The following NSD1 variants were observed in gnomAD, a reference collection of about 807,000 sequenced individuals.
NSD1 encodes histone-lysine N-methyltransferase, H3 lysine-36 specific.
A neutral mutation model predicts 242.7 loss-of-function variants in NSD1; 26 were observed. The ratio of observed to expected loss-of-function variants is 0.11; its 90% CI spans 0.08 to 0.15. NSD1 has a LOEUF of 0.15. Ranked by LOEUF, NSD1 falls within the 10% of genes least tolerant of loss-of-function variation. The probability of loss-of-function intolerance (pLI) is 1.00; values close to 1 mark genes in which losing one functional copy is unlikely to be tolerated. For synonymous variants in NSD1, 1,106 were observed against 1,178.1 expected, an observed-to-expected ratio of 0.94 and a Z score of 1.25; for missense variants, 2,495 against 3,272.8, an observed-to-expected ratio of 0.76 and a Z score of 5.80.
chr5:177,295,723 A>G lies in NSD1; in HGVS notation c.*264A>G. 1.8e-6 allele frequency: 1 copy of G among 558,014 alleles called. No homozygotes were observed. Among genetic ancestry groups the G allele is most frequent in the Non-Finnish European group, 3.2e-6 (1 of 311,390 alleles). 34.6% of individuals were successfully genotyped at this position (558,014 alleles called of 1,614,324 possible). ...TGGGTCTCTTTCCCCCAACTTTTCC[A>G]CATGGTCATCGTGAAATAAAAAGTC... is the stretch of plus-strand genomic sequence containing the variant. On this transcript the variant is annotated 3_prime_UTR_variant, in exon 23 of 23. Coordinates refer to ENST00000439151, the MANE Select transcript of NSD1 (RefSeq NM_022455.5). The surrounding 1 kb of genome is among the most constrained non-coding windows in gnomAD (Gnocchi z 4.3).
At chr5:177,163,645 T>C (rs559720814) in intron 2 of NSD1, among the ~76,000 whole-genome samples, 8 of 152,320 alleles carry the variant, frequency 5.3e-5, no homozygotes, top group Non-Finnish European at 1.2e-4. Flanking sequence ...CCTGCTGCTA[T>C]CCATAATTCT....
intron 2 of NSD1, among the ~76,000 whole-genome samples, chr5:177,188,957 G>A (rs528829602): frequency 6.6e-6 from 1 of 152,182 alleles, no homozygotes; most frequent in South Asian, 2.1e-4. Flanking sequence ...ATGGGAGGAT[G>A]GGTTGAGCTC....
chr5:177,170,748 A>T (rs1263870166), intron 2 of NSD1, among the ~76,000 whole-genome samples: 1 of 152,126 alleles, frequency 6.6e-6, no homozygotes, highest in Non-Finnish European at 1.5e-5. Context: ...TCACAGTGTT[A>T]TATAATCATT....
chr5:177,144,058 C>G (rs576582008), intron 2 of NSD1, among the ~76,000 whole-genome samples: 66 of 152,254 alleles, frequency 4.3e-4, no homozygotes, highest in Non-Finnish European at 5.4e-4. Context: ...GCTAGGATTA[C>G]AGGTGTGAGC....
chr5:177,174,456 C>T (rs1760007077), intron 2 of NSD1, among the ~76,000 whole-genome samples: 1 of 151,662 alleles, frequency 6.6e-6, no homozygotes, highest in Non-Finnish European at 1.5e-5. Flanking sequence ...CAGATGATCG[C>T]CTCCCACCTT....
chr5:177,251,045 C>A (rs1018072750), intron 11 of NSD1, among the ~76,000 whole-genome samples: 1 of 152,078 alleles, frequency 6.6e-6, no homozygotes, highest in African/African-American at 2.4e-5. Context: ...CAAAAATTAG[C>A]TGGGCATGGT....
At chr5:177,195,069 G>T (rs191741001) in intron 3 of NSD1, among the ~76,000 whole-genome samples, 4 of 152,198 alleles carry the variant, frequency 2.6e-5, no homozygotes, top group Admixed American at 6.5e-5. Flanking sequence ...TGAGGCAGAA[G>T]AATTGCTTGA....
chr5:177,276,186 C>T (rs1758366842), intron 17 of NSD1, among the ~76,000 whole-genome samples: 1 of 152,042 alleles, frequency 6.6e-6, no homozygotes, highest in African/African-American at 2.4e-5. Context: ...CCACCTCAAC[C>T]TCCCAAAGAA....
chr5:177,282,620 T>G (rs1305569596), intron 19 of NSD1, 39 bp downstream of exon 19: 2 of 1,373,426 alleles, frequency 1.5e-6, no homozygotes, highest in Non-Finnish European at 2.1e-6. Context: ...GTTACAAGAT[T>G]GTAAATTTGT....
chr5:177,260,062 G>A lies in NSD1; in HGVS notation c.5040G>A (p.Lys1680=), dbSNP rs1312064960. Residue 1680 remains lysine, a synonymous_variant, in exon 14 of 23, where the codon AAG becomes AAA. Coordinates refer to ENST00000439151, the MANE Select transcript of NSD1 (RefSeq NM_022455.5). ...ACTTTTGCCTGGCTGCTGGGTCAAA[G>A]ATCCTTGCATCTAATAGTATCATCT... ...ANDFCLAAGS[K]ILASNSIICP... 16 of 1,614,082 alleles carry A rather than the reference G, an allele frequency of 9.9e-6. No homozygotes were observed. Among genetic ancestry groups the A allele is most frequent in the Non-Finnish European group, 1.3e-5 (15 of 1,180,058 alleles).
rs1581385391 is a variant in NSD1, at chr5:177,229,675, G to A, written c.3797-6146G>A. On this transcript the variant is annotated intron_variant, in intron 5 of 22. Coordinates refer to ENST00000439151, the MANE Select transcript of NSD1 (RefSeq NM_022455.5). ...TGTAACTGGGAGAGAACATAGGTAGGGAGTTGGGGTAGTTGAGGCAAGGAA... is the reference window on the plus strand; with the variant it reads ...TGTAACTGGGAGAGAACATAGGTAGAGAGTTGGGGTAGTTGAGGCAAGGAA... The A allele has an allele frequency of 8.7e-6, 3 of 343,914 alleles. No homozygotes were observed. In the East Asian group the frequency reaches 3.5e-4, roughly 40 times the overall value. The allele number at this position is 343,914 out of a possible 1,614,324, so 21.3% of individuals were successfully genotyped here. A position where few individuals can be genotyped will look rare whatever the true frequency, so the allele number is the denominator to read the frequency against.
chr5:177,222,145 T>C (rs1170627072), intron 5 of NSD1, among the ~76,000 whole-genome samples: 1 of 152,004 alleles, frequency 6.6e-6, no homozygotes, highest in Non-Finnish European at 1.5e-5. Context: ...TTATTACTTT[T>C]TGAGATGTTG....
chr5:177,211,906 A>C lies in NSD1; in HGVS notation c.3507A>C (p.Lys1169Asn). 6.2e-7 allele frequency: 1 copy of C among 1,608,818 alleles called. No individual in the cohort carries two copies. The highest frequency in any genetic ancestry group is 8.5e-7 in the Non-Finnish European group (1 of 1,177,436). Reference sequence around the variant, plus strand: ...AGCGTTTAAACCAAAGGCGCACTAAACCTCGTAAGCGCATGAACAGATTTA... The same window carrying C: ...AGCGTTTAAACCAAAGGCGCACTAACCCTCGTAAGCGCATGAACAGATTTA... ...RWQRLNQRRT[K>N]PRKRMNRFKE... Residue 1169 changes from lysine (K) to asparagine (N), a missense_variant, in exon 5 of 23, where the codon AAA becomes AAC. Lys to Asn is a moderately conservative substitution (Grantham distance 94, BLOSUM62 0). This residue lies in a region of NSD1 where 426 missense variants were observed against 411.4 expected (regional missense o/e 1.04). Coordinates refer to ENST00000439151, the MANE Select transcript of NSD1 (RefSeq NM_022455.5).
At chr5:177,288,229 C>T (rs761819700) in intron 20 of NSD1, among the ~76,000 whole-genome samples, 4 of 152,138 alleles carry the variant, frequency 2.6e-5, no homozygotes, top group African/African-American at 4.8e-5. Context: ...AAAGTTTACA[C>T]GTTACTGCTA....
intron 21 of NSD1, among the ~76,000 whole-genome samples, chr5:177,289,978 C>T (rs1376753703): frequency 6.6e-6 from 1 of 151,610 alleles, no homozygotes; most frequent in Admixed American, 6.6e-5. Context: ...CAGGCGCCCG[C>T]CACCATGCCC....
In NSD1 at chr5:177,259,506, T is replaced by G. The variant is rs576778779; in HGVS notation, c.4967-483T>G. 2.1e-3 allele frequency among the ~76,000 whole-genome samples: 327 copies of G among 152,326 alleles called. 1 individual carries two copies. Among genetic ancestry groups the G allele is most frequent in the Non-Finnish European group, 3.1e-3 (213 of 68,030 alleles). On this transcript the variant is annotated intron_variant, in intron 13 of 22. Coordinates refer to ENST00000439151, the MANE Select transcript of NSD1 (RefSeq NM_022455.5). Reference sequence around the variant, plus strand: ...ATGAAAAGAGTTGCAGTTGGCTACCTTCTCGTTTTTAATTGTTATTACAGA... The same window carrying G: ...ATGAAAAGAGTTGCAGTTGGCTACCGTCTCGTTTTTAATTGTTATTACAGA...
chr5:177,266,133 G>A, intron 14 of NSD1: 1 of 1,112,158 alleles, frequency 9.0e-7, no homozygotes, highest in Non-Finnish European at 1.4e-6. Context: ...AGGCTATTGG[G>A]CGCCAGCCAC....
intron 2 of NSD1, among the ~76,000 whole-genome samples, chr5:177,161,677 TTTC>T (rs1175007833): frequency 3.8e-5 from 4 of 106,432 alleles, no homozygotes; most frequent in Non-Finnish European, 5.2e-5. Flanking sequence ...TGTTTCTTTC[TTTC>T]TTTTTTTTTT....
intron 5 of NSD1, among the ~76,000 whole-genome samples, chr5:177,231,523 G>A (rs1765055362): frequency 6.6e-6 from 1 of 152,056 alleles, no homozygotes; most frequent in Admixed American, 6.5e-5. Context: ...CACCTTCCAG[G>A]TTCAAGCAAT....
Sources: allele counts gnomAD v4.1 joint callset (sites outside exome capture counted in the v4.1 genomes callset), GRCh38; gene constraint gnomAD v4.1.1; regional missense constraint gnomAD v4.1.1; non-coding constraint Gnocchi (gnomAD v3.1); transcripts MANE v1.5; gene names NCBI Gene and HGNC (gene_info 2026-07-23, HGNC 2026-07-21).